Variants in CDIN1 observed in about 807,000 individuals in gnomAD.
CDIN1 encodes the protein CDAN1 interacting nuclease 1.
In CDIN1, 33 loss-of-function variants were observed where a neutral mutation model predicts 45.3. That is an observed-to-expected ratio of 0.73 (90% CI 0.55 to 0.97). CDIN1 has a LOEUF of 0.97. Among genes scored for constraint, CDIN1 ranks in the 50% least tolerant of loss-of-function variants. The probability of loss-of-function intolerance (pLI) is 0.00; values close to 1 mark genes in which losing one functional copy is unlikely to be tolerated. For synonymous variants in CDIN1, 118 were observed against 124.4 expected (o/e 0.95, Z 0.34); for missense variants, 303 against 339.4 (o/e 0.89, Z 0.84).
At chr15:36,783,592 T>G (rs909420572) in intron 10 of CDIN1, among the ~76,000 whole-genome samples, 5 of 152,172 alleles carry the variant, frequency 3.3e-5, no homozygotes, top group South Asian at 2.1e-4. Flanking sequence ...CAGAGCCACT[T>G]GTTTAAACAA....
chr15:36,759,247 A>C (rs2053691276), intron 10 of CDIN1, among the ~76,000 whole-genome samples: 1 of 152,154 alleles, frequency 6.6e-6, no homozygotes, highest in Non-Finnish European at 1.5e-5. Flanking sequence ...TGTGCTCCCA[A>C]GTGAACAAAG....
At chr15:36,631,412 C>T (rs530691009) in intron 1 of CDIN1, among the ~76,000 whole-genome samples, 4 of 152,322 alleles carry the variant, frequency 2.6e-5, no homozygotes, top group Admixed American at 6.5e-5. Context: ...CAGTCACTCC[C>T]GATCTTTCCC....
At chr15:36,692,043 T>A (rs1487083148) in intron 6 of CDIN1, 83 bp from the exon 7 acceptor site, 1 of 1,349,426 alleles carries the variant, frequency 7.4e-7, no homozygotes, top group African/African-American at 1.5e-5. Flanking sequence ...GGAAGAAAAG[T>A]AATTACTGCT....
intron 4 of CDIN1, among the ~76,000 whole-genome samples, chr15:36,655,318 T>C (rs1395051744): frequency 8.5e-5 from 1 of 11,720 alleles, no homozygotes; most frequent in Non-Finnish European, 1.5e-4. Context: ...AGTGCTTTTT[T>C]TTTTTTGCTT....
At chr15:36,745,808 A>G (rs2044401854) in intron 10 of CDIN1, among the ~76,000 whole-genome samples, 1 of 152,092 alleles carries the variant, frequency 6.6e-6, no homozygotes, top group Non-Finnish European at 1.5e-5. Context: ...TCTACTAAAA[A>G]TGCAAAAATT....
intron 6 of CDIN1, 101 bp downstream of exon 6, chr15:36,691,865 A>T: frequency 3.1e-6 from 3 of 982,614 alleles, no homozygotes; most frequent in Non-Finnish European, 4.7e-6. Flanking sequence ...ATAAACTATC[A>T]CTGAGGTCAG....
rs1335849216 is a variant in CDIN1 at position 36,808,441 on chromosome 15, C to T, written c.834C>T (p.His278=). 4 of 1,613,350 alleles carry T rather than the reference C, an allele frequency of 2.5e-6. No individual in the cohort carries two copies. The highest frequency in any genetic ancestry group is 1.7e-5 in the Admixed American group (1 of 59,918). ...CCACGAACATTGTCACCTTATGCCA[C>T]AGCATAGCTTGACCCTGAAGATCCT... is the stretch of plus-strand genomic sequence containing the variant. ...CFPTNIVTLC[H]SIA Residue 278 remains histidine, a synonymous_variant, in exon 11 of 11, where the codon CAC becomes CAT. Coordinates refer to ENST00000566621, the MANE Select transcript of CDIN1 (RefSeq NM_001321759.2).
intron 1 of CDIN1, among the ~76,000 whole-genome samples, chr15:36,631,587 A>G (rs2039682080): frequency 6.6e-6 from 1 of 152,080 alleles, no homozygotes; most frequent in African/African-American, 2.4e-5. Context: ...TCAGTACTTC[A>G]TTTCTTCTTA....
chr15:36,598,125 G>A (rs1225768682), intron 1 of CDIN1, among the ~76,000 whole-genome samples: 6 of 152,112 alleles, frequency 3.9e-5, no homozygotes, highest in Non-Finnish European at 7.4e-5. Flanking sequence ...CAAGTAGTTG[G>A]GACTACAGGC....
At position 36,663,194 on chromosome 15, in the gene CDIN1, G is replaced by A. The variant is rs539212872; in HGVS notation, c.346+5289G>A. 2.0e-5 allele frequency among the ~76,000 whole-genome samples: 3 copies of A among 152,202 alleles called. 1 individual carries two copies. Among genetic ancestry groups the A allele is most frequent in the South Asian group, 4.1e-4 (2 of 4,820 alleles). ...AAGTTTGTATGTACAATCTTAGTGG[G>A]AATTAAAGTTGGACAAATTCAGATG... is the stretch of plus-strand genomic sequence containing the variant. On this transcript the variant is annotated intron_variant, in intron 5 of 10. Transcript: ENST00000566621.
rs115589069 is a variant in CDIN1 at position 36,759,835 on chromosome 15, C to T, written c.717-48489C>T. Among the ~76,000 whole-genome samples the T allele has an allele frequency of 9.9e-3, 1,506 of 152,216 alleles. 29 individuals are homozygous for T. The highest frequency in any genetic ancestry group is 0.034 in the African/African-American group (1,419 of 41,538). On this transcript the variant is annotated intron_variant, in intron 10 of 10. Coordinates refer to ENST00000566621, the MANE Select transcript of CDIN1 (RefSeq NM_001321759.2). ...GGAGAGAGCAAACGGGGAAGTGCTA[C>T]ACATTTTTAAACAACCAGATCTTGT...
intron 10 of CDIN1, among the ~76,000 whole-genome samples, chr15:36,718,934 A>T (rs1354659415): frequency 6.8e-6 from 1 of 148,146 alleles, no homozygotes; most frequent in Non-Finnish European, 1.5e-5. Context: ...ATTAAGAATG[A>T]TGTTAGGGGT....
At chr15:36,664,699 A>G (rs1278677941) in intron 5 of CDIN1, among the ~76,000 whole-genome samples, 2 of 151,808 alleles carry the variant, frequency 1.3e-5, no homozygotes, top group African/African-American at 4.8e-5. Flanking sequence ...GGCGCCCACC[A>G]CCACGCTTGG....
intron 10 of CDIN1, among the ~76,000 whole-genome samples, chr15:36,772,529 C>T (rs1028929980): frequency 5.9e-5 from 9 of 152,172 alleles, no homozygotes; most frequent in South Asian, 2.1e-4. Flanking sequence ...AGCCCAGCCT[C>T]AGGGCAGTCC....
chr15:36,756,526 G>A (rs184902969), intron 10 of CDIN1, among the ~76,000 whole-genome samples: 1 of 152,290 alleles, frequency 6.6e-6, no homozygotes, highest in East Asian at 1.9e-4. Flanking sequence ...GTGGTGATGA[G>A]CTAATGAAAG....
chr15:36,782,085 C>T (rs1019332201), intron 10 of CDIN1, among the ~76,000 whole-genome samples: 3 of 152,142 alleles, frequency 2.0e-5, no homozygotes, highest in Non-Finnish European at 2.9e-5. Flanking sequence ...ATAGGATCCT[C>T]GTATTTTTTC....
chr15:36,681,015 A>G (rs955267888), intron 5 of CDIN1, among the ~76,000 whole-genome samples: 9 of 152,168 alleles, frequency 5.9e-5, no homozygotes, highest in African/African-American at 1.9e-4. Flanking sequence ...GAGGAGACCA[A>G]TTACCATGGA....
At chr15:36,684,995 G>A (rs1014696905) in intron 5 of CDIN1, among the ~76,000 whole-genome samples, 3 of 151,772 alleles carry the variant, frequency 2.0e-5, no homozygotes, top group Admixed American at 6.6e-5. Context: ...TCTTGCTAGC[G>A]GTCTATCTAT....
intron 1 of CDIN1, among the ~76,000 whole-genome samples, chr15:36,615,704 G>T (rs568725903): frequency 1.6e-4 from 24 of 152,204 alleles, no homozygotes; most frequent in African/African-American, 5.3e-4. Flanking sequence ...TGCGAGTCCC[G>T]CAACAACCAA....
Sources: allele counts gnomAD v4.1 joint callset (sites outside exome capture counted in the v4.1 genomes callset), GRCh38; gene constraint gnomAD v4.1.1; transcripts MANE v1.5; gene names NCBI Gene and HGNC (gene_info 2026-07-23, HGNC 2026-07-21).